FAM227A: variants seen among roughly 807,000 people sequenced by gnomAD.
FAM227A encodes the protein family with sequence similarity 227 member A.
In FAM227A, 80 loss-of-function variants were observed where a neutral mutation model predicts 74.7. The ratio of observed to expected loss-of-function variants is 1.07; its 90% CI spans 0.89 to 1.29. FAM227A has a LOEUF of 1.29. Among genes scored for constraint, FAM227A ranks in the 50% most tolerant of loss-of-function variants. The pLI, the probability that FAM227A is intolerant of heterozygous loss-of-function variation, is 0.00. For missense variants in FAM227A, 654 were observed against 683.4 expected (o/e 0.96, Z 0.48); for synonymous variants, 237 against 241.8 (o/e 0.98, Z 0.19).
chr22:38,628,772 G>A, intron 7 of FAM227A, 62 bp downstream of exon 7: 1 of 998,466 alleles, frequency 1.0e-6, no homozygotes, highest in Non-Finnish European at 1.5e-6. Context: ...CAAAGAGAAT[G>A]GAATTTGTTC....
At chr22:38,631,390 G>T (rs528041115) in intron 6 of FAM227A, among the ~76,000 whole-genome samples, 48 of 152,186 alleles carry the variant, frequency 3.2e-4, no homozygotes, top group South Asian at 1.0e-3. Context: ...CTCTCAAAAG[G>T]GGGAGGATGA....
intron 16 of FAM227A, among the ~76,000 whole-genome samples, chr22:38,590,121 C>T (rs985739001): frequency 4.6e-5 from 6 of 129,878 alleles, no homozygotes; most frequent in Non-Finnish European, 8.2e-5. Context: ...AACAAAAAAA[C>T]GAAAAAAATT....
chr22:38,640,244 A>G (rs1426713250), intron 3 of FAM227A, among the ~76,000 whole-genome samples: 1 of 152,168 alleles, frequency 6.6e-6, no homozygotes, highest in African/African-American at 2.4e-5. Flanking sequence ...CGTGTTAGCC[A>G]GGATGGTCTT....
rs1569191964 is a variant in FAM227A, at chr22:38,597,353, G to A, written c.1383C>T (p.Asp461=). The part of the protein sequence containing the change: ...VRREKTTSTP[D]CTPTYTDVIS... ...TGACATCAGTATACGTTGGGGTGCA[G>A]TCAGTGGCTTCCGCTGTCAAGGAAA... The change falls in exon 15 of 17, where the codon GAC becomes GAT. Residue 461 remains aspartate (D), a synonymous_variant. Transcript: ENST00000535113. 2.6e-6 allele frequency: 4 copies of A among 1,551,830 alleles called. No individual in the cohort carries two copies. Among genetic ancestry groups the A allele is most frequent in the Non-Finnish European group, 3.5e-6 (4 of 1,147,028 alleles).
At chr22:38,610,860 G>A (rs1411042203) in intron 11 of FAM227A, among the ~76,000 whole-genome samples, 3 of 152,116 alleles carry the variant, frequency 2.0e-5, no homozygotes, top group Non-Finnish European at 4.4e-5. Context: ...AGGAGTTTGA[G>A]ACCAGCCTGG....
chr22:38,640,803 T>A (rs1241052959), intron 3 of FAM227A, among the ~76,000 whole-genome samples: 1 of 152,094 alleles, frequency 6.6e-6, no homozygotes, highest in Non-Finnish European at 1.5e-5. Flanking sequence ...CTGAGCTTGA[T>A]AAACTGGGAA....
At chr22:38,616,505 A>T (rs545642564) in intron 11 of FAM227A, among the ~76,000 whole-genome samples, 35 of 152,208 alleles carry the variant, frequency 2.3e-4, no homozygotes, top group Admixed American at 7.2e-4. Flanking sequence ...TCTACTAAAA[A>T]TACAAAAAAA....
chr22:38,607,160 G>A (rs9607554), intron 12 of FAM227A, among the ~76,000 whole-genome samples: 2 of 133,802 alleles, frequency 1.5e-5, no homozygotes, highest in East Asian at 4.6e-4. Context: ...CTGGGCGACA[G>A]AGTGAGACTT....
At chr22:38,654,900 A>G (rs976865270) in intron 1 of FAM227A, among the ~76,000 whole-genome samples, 1 of 151,286 alleles carries the variant, frequency 6.6e-6, no homozygotes, top group Non-Finnish European at 1.5e-5. Flanking sequence ...GTGAGCTGAG[A>G]TTGTACCACT....
rs16999157 is a variant in FAM227A at position 38,629,336 on chromosome 22, A to G, written c.520-401T>C. Among the ~76,000 whole-genome samples the G allele has an allele frequency of 4.8e-3, 734 of 152,380 alleles. 6 individuals are homozygous for G. The highest frequency in any genetic ancestry group is 0.017 in the African/African-American group (714 of 41,598). On this transcript the variant is annotated intron_variant, in intron 6 of 16. Transcript: ENST00000535113. The stretch of plus-strand genomic sequence containing the variant: ...GTTAGCAGTAAGCATGTGGAATTCT[A>G]AAGTTAAAATGGAATTATCCGTGAG...
intron 12 of FAM227A, among the ~76,000 whole-genome samples, chr22:38,606,656 G>A (rs1000906562): frequency 6.6e-6 from 1 of 152,180 alleles, no homozygotes; most frequent in African/African-American, 2.4e-5. Context: ...GGAATTGCAA[G>A]TAACATGAAA....
At chr22:38,615,487 A>G (rs1000275379) in intron 11 of FAM227A, among the ~76,000 whole-genome samples, 2 of 152,212 alleles carry the variant, frequency 1.3e-5, no homozygotes, top group Non-Finnish European at 2.9e-5. Context: ...TCTGAGGGAC[A>G]AGGAGGAACC....
In FAM227A at chr22:38,616,885, G is replaced by A. The variant is rs138980328; in HGVS notation, c.1038+3327C>T. On this transcript the variant is annotated intron_variant, in intron 11 of 16. Coordinates refer to ENST00000535113, the MANE Select transcript of FAM227A (RefSeq NM_001013647.2). ...ACACAGGCTGGGGACTGACCTGGGA[G>A]GGGAGCAGGACCTCTCCATAGGCAC... Among the ~76,000 whole-genome samples, 350 of 152,076 alleles carry A rather than the reference G, an allele frequency of 2.3e-3. 1 individual carries two copies. The highest frequency in any genetic ancestry group is 4.0e-3 in the Admixed American group (61 of 15,272).
At chr22:38,637,841 G>A (rs2092036108) in intron 5 of FAM227A, among the ~76,000 whole-genome samples, 1 of 152,202 alleles carries the variant, frequency 6.6e-6, no homozygotes, top group African/African-American at 2.4e-5. Context: ...AGCAGTTAAA[G>A]GTTTGGATAC....
intron 9 of FAM227A, among the ~76,000 whole-genome samples, chr22:38,625,501 G>A (rs1253583570): frequency 6.6e-6 from 1 of 152,076 alleles, no homozygotes; most frequent in African/African-American, 2.4e-5. Flanking sequence ...GTAGAAGGGT[G>A]GGATGATCTA....
At chr22:38,650,560 C>A (rs1216206768) in intron 1 of FAM227A, among the ~76,000 whole-genome samples, 1 of 152,174 alleles carries the variant, frequency 6.6e-6, no homozygotes, top group Non-Finnish European at 1.5e-5. Flanking sequence ...CTACTCCAGA[C>A]CACTCAGCAA....
At position 38,639,675 on chromosome 22, in the gene FAM227A, C is replaced by T. The variant is rs192591482; in HGVS notation, c.275G>A (p.Arg92His). 435 of 1,551,896 alleles carry T rather than the reference C, an allele frequency of 2.8e-4. No homozygotes were observed. The highest frequency in any genetic ancestry group is 9.0e-4 in the East Asian group (37 of 40,924). The part of the protein sequence containing the change: ...LEKKALREKT[R>H]SSPEDKVKRQ... ...TTTGCCTTTGTCTTCTGGACTGCTG[C>T]GAGTTTTCTCTCTTAAAGCCTTCTT... The change falls in exon 4 of 17, where the codon CGC becomes CAC. Residue 92 changes from arginine to histidine, a missense_variant. By Grantham distance (29) the Arg-to-His change is conservative. Transcript: ENST00000535113.
intron 2 of FAM227A, among the ~76,000 whole-genome samples, chr22:38,646,686 G>T (rs1169983632): frequency 1.3e-5 from 2 of 150,208 alleles, no homozygotes; most frequent in African/African-American, 4.9e-5. Context: ...AGTCTCACTC[G>T]CCCGGCCACT....
intron 5 of FAM227A, among the ~76,000 whole-genome samples, chr22:38,636,807 T>C (rs528577464): frequency 7.1e-4 from 107 of 150,944 alleles, no homozygotes; most frequent in Admixed American, 1.3e-3. Context: ...ATTTCACTCT[T>C]GTTGTCCAGG....
Sources: allele counts gnomAD v4.1 joint callset (sites outside exome capture counted in the v4.1 genomes callset), GRCh38; gene constraint gnomAD v4.1.1; transcripts MANE v1.5; gene names NCBI Gene and HGNC (gene_info 2026-07-23, HGNC 2026-07-21).